KIAA1671: variants seen among roughly 807,000 people sequenced by gnomAD.
KIAA1671 encodes uncharacterized protein KIAA1671.
In KIAA1671, 52 loss-of-function variants were observed where a neutral mutation model predicts 131.2. The ratio of observed to expected loss-of-function variants is 0.40; its 90% CI spans 0.32 to 0.50. The LOEUF is 0.50. KIAA1671 is among the 20% of genes least tolerant of loss of function. The pLI is 0.73. For synonymous variants in KIAA1671, 1,003 were observed against 961.6 expected, an observed-to-expected ratio of 1.04 and a Z score of -0.80; for missense variants, 2,360 against 2,364.2, an observed-to-expected ratio of 1.00 and a Z score of 0.04.
At chr22:25,079,441 T>C (rs1191298153) in intron 6 of KIAA1671, among the ~76,000 whole-genome samples, 1 of 152,010 alleles carries the variant, frequency 6.6e-6, no homozygotes, top group Non-Finnish European at 1.5e-5. Context: ...GTAAGAACGT[T>C]GTATAGTATG....
chr22:25,095,824 C>A (rs1171678799), intron 6 of KIAA1671, among the ~76,000 whole-genome samples: 1 of 152,198 alleles, frequency 6.6e-6, no homozygotes, highest in Non-Finnish European at 1.5e-5. Flanking sequence ...CTTAGCATGA[C>A]CTCACCGTTC....
chr22:25,096,403 A>G (rs373619721), intron 6 of KIAA1671, among the ~76,000 whole-genome samples: 167 of 152,248 alleles, frequency 1.1e-3, no homozygotes, highest in African/African-American at 3.5e-3. Flanking sequence ...GTCCTCAGCT[A>G]CGTAGGAGTG....
chr22:25,036,514 A>G (rs1283419194), intron 4 of KIAA1671, among the ~76,000 whole-genome samples: 1 of 152,204 alleles, frequency 6.6e-6, no homozygotes, highest in African/African-American at 2.4e-5. Flanking sequence ...TTTCTAATAT[A>G]TATATAAATA....
intron 1 of KIAA1671, among the ~76,000 whole-genome samples, chr22:25,009,223 T>C (rs551033827): frequency 4.0e-4 from 60 of 151,694 alleles, no homozygotes; most frequent in African/African-American, 1.5e-3. Flanking sequence ...TTGTTTGGTG[T>C]TTATATTTCT....
At chr22:24,953,774 G>A (rs1350583882) in intron 1 of KIAA1671, among the ~76,000 whole-genome samples, 1 of 152,170 alleles carries the variant, frequency 6.6e-6, no homozygotes, top group African/African-American at 2.4e-5. Flanking sequence ...TCCACCGCGC[G>A]ACGCCTAGGT....
At position 25,095,000 on chromosome 22, in the gene KIAA1671, G is replaced by A. The variant is rs114322797; in HGVS notation, c.4530+45636G>A. 1.5e-3 allele frequency among the ~76,000 whole-genome samples: 222 copies of A among 152,268 alleles called. 3 individuals are homozygous for A. The highest frequency in any genetic ancestry group is 4.8e-3 in the African/African-American group (199 of 41,546). ...AGACAAAACAGACAGATATGAGTGC[G>A]CTGAGTCTGTCTCAGGTGGTGTTTC... On this transcript the variant is annotated intron_variant, in intron 6 of 12. Coordinates refer to ENST00000358431, the MANE Select transcript of KIAA1671 (RefSeq NM_001145206.2).
chr22:24,967,942 G>A (rs967313801), intron 1 of KIAA1671, among the ~76,000 whole-genome samples: 2 of 152,080 alleles, frequency 1.3e-5, no homozygotes, highest in Non-Finnish European at 2.9e-5. Context: ...GCAGTGAACC[G>A]AGATCATGCC....
At chr22:25,115,846 G>A (rs926854319) in intron 6 of KIAA1671, among the ~76,000 whole-genome samples, 2 of 151,918 alleles carry the variant, frequency 1.3e-5, no homozygotes, top group Non-Finnish European at 2.9e-5. Flanking sequence ...GCACAGTCTC[G>A]GCTCACTGCA....
At chr22:24,958,566 C>G (rs5760758) in intron 1 of KIAA1671, among the ~76,000 whole-genome samples, 147,239 of 150,870 alleles carry the variant, frequency 0.98, 71,873 homozygotes, top group Middle Eastern at 1. Flanking sequence ...CAGGAGAATC[C>G]CTTGAACCCC....
intron 1 of KIAA1671, among the ~76,000 whole-genome samples, chr22:25,001,195 G>T (rs1924453321): frequency 6.7e-6 from 1 of 149,798 alleles, no homozygotes; most frequent in Non-Finnish European, 1.5e-5. Context: ...GTGTATATAT[G>T]TGTGTATGTG....
intron 1 of KIAA1671, among the ~76,000 whole-genome samples, chr22:24,977,128 G>C (rs906143040): frequency 6.6e-6 from 1 of 152,100 alleles, no homozygotes. Flanking sequence ...GCATGTTGTC[G>C]GCAGCTGTTA....
At position 25,167,237 on chromosome 22, in the gene KIAA1671, C is replaced by T. The variant is rs538140159; in HGVS notation, c.4531-3583C>T. On this transcript the variant is annotated intron_variant, in intron 6 of 12. Coordinates refer to ENST00000358431, the MANE Select transcript of KIAA1671 (RefSeq NM_001145206.2). ...GCGTGCTAACAGCTATCCCTATGTGCTGCCCGTAGGCTTGGAAGTTAGGCA... is the reference window on the plus strand; with the variant it reads ...GCGTGCTAACAGCTATCCCTATGTGTTGCCCGTAGGCTTGGAAGTTAGGCA... 2.6e-5 allele frequency among the ~76,000 whole-genome samples: 4 copies of T among 152,346 alleles called. No individual in the cohort carries two copies. The South Asian group carries it at 8.3e-4, about 32-fold the overall frequency.
intron 6 of KIAA1671, among the ~76,000 whole-genome samples, chr22:25,107,764 A>T (rs1041309515): frequency 1.3e-5 from 2 of 152,048 alleles, no homozygotes; most frequent in Non-Finnish European, 2.9e-5. Flanking sequence ...TAATCCCAGC[A>T]CTTTGGGAGG....
In KIAA1671 at chr22:25,083,929, A is replaced by G. The variant is rs374089466; in HGVS notation, c.4530+34565A>G. 7.9e-5 allele frequency among the ~76,000 whole-genome samples: 12 copies of G among 152,122 alleles called. No individual in the cohort carries two copies. In the East Asian group the frequency reaches 1.6e-3, roughly 20 times the overall value. ...TTCCAGCTCTGCCCTGACCGCCCCT[A>G]TTTGCCGAGAGCAGCCTGGGCCCAG... On this transcript the variant is annotated intron_variant, in intron 6 of 12. Coordinates refer to ENST00000358431, the MANE Select transcript of KIAA1671 (RefSeq NM_001145206.2).
chr22:25,116,290 C>G (rs937252474), intron 6 of KIAA1671, among the ~76,000 whole-genome samples: 3 of 152,002 alleles, frequency 2.0e-5, no homozygotes, highest in Non-Finnish European at 4.4e-5. Context: ...CCAGGCTGGT[C>G]TTGAGCTCCT....
chr22:25,021,736 G>C (rs1925679066), intron 1 of KIAA1671, among the ~76,000 whole-genome samples: 1 of 152,086 alleles, frequency 6.6e-6, no homozygotes, highest in Non-Finnish European at 1.5e-5. Context: ...GTGCACAGCA[G>C]CCCTTCTCTG....
At chr22:25,137,763 C>T (rs917744463) in intron 6 of KIAA1671, among the ~76,000 whole-genome samples, 13 of 152,204 alleles carry the variant, frequency 8.5e-5, no homozygotes, top group Non-Finnish European at 2.9e-5. Context: ...AAAAGTTGCC[C>T]AACCCTTTCT....
chr22:25,061,589 G>A (rs1371330789), intron 6 of KIAA1671: 1 of 152,236 alleles, frequency 6.6e-6, no homozygotes, highest in African/African-American at 2.4e-5. Context: ...ATCCTGTGAG[G>A]GAGGAAATTA....
chr22:25,120,116 A>G (rs577391830), intron 6 of KIAA1671, among the ~76,000 whole-genome samples: 3 of 152,288 alleles, frequency 2.0e-5, no homozygotes, highest in Middle Eastern at 6.8e-3. Context: ...GGCTTCAAAG[A>G]ACTGGGGTCC....
Sources: gnomAD v4.1 joint callset for allele counts (sites outside exome capture counted in the v4.1 genomes callset) on GRCh38, gnomAD v4.1.1 for gene constraint, MANE v1.5 for transcripts, NCBI Gene and HGNC (gene_info 2026-07-23, HGNC 2026-07-21) for gene names.